The following TENM3 variants were observed in gnomAD, a reference collection of about 807,000 sequenced individuals.
TENM3 encodes the protein teneurin-3.
Under a neutral mutation model 255.1 loss-of-function variants are expected in TENM3, and 63 were observed. That is an observed-to-expected ratio of 0.25 (90% CI 0.20 to 0.30). The LOEUF is 0.30. TENM3 is among the 10% of genes least tolerant of loss of function. TENM3 has a pLI of 1.00. For missense variants in TENM3, 2,929 were observed against 3,461.1 expected (o/e 0.85, Z 3.86); for synonymous variants, 1,306 against 1,322.3 (o/e 0.99, Z 0.27).
chr4:181,808,197 T>C, the TENM3 span, among the ~76,000 whole-genome samples: 2 of 152,230 alleles, frequency 1.3e-5, no homozygotes, highest in Non-Finnish European at 1.5e-5. Flanking sequence ...TGTAAGCGGA[T>C]GTCATGCCAC....
intron 3 of TENM3, among the ~76,000 whole-genome samples, chr4:182,581,611 C>T (rs1177925809): frequency 6.6e-6 from 1 of 152,076 alleles, no homozygotes; most frequent in Non-Finnish European, 1.5e-5. Context: ...ATGGTGAGTG[C>T]CTATAATCCC....
chr4:181,888,379 C>G, the TENM3 span, among the ~76,000 whole-genome samples: 1 of 150,688 alleles, frequency 6.6e-6, no homozygotes. Context: ...CAGATAAACC[C>G]TAGGCTTGTA....
At chr4:182,763,092 A>C (rs1217409491) in intron 22 of TENM3, among the ~76,000 whole-genome samples, 1 of 152,208 alleles carries the variant, frequency 6.6e-6, no homozygotes, top group Non-Finnish European at 1.5e-5. Flanking sequence ...GTATTTTAAG[A>C]GTGTAGGTCC....
chr4:182,443,151 C>A (rs577430465), intron 3 of TENM3, among the ~76,000 whole-genome samples: 8 of 152,228 alleles, frequency 5.3e-5, no homozygotes, highest in African/African-American at 1.9e-4. Flanking sequence ...ACTTCCATTT[C>A]TTTATCTTGG....
intron 1 of TENM3, among the ~76,000 whole-genome samples, chr4:182,301,654 C>T (rs1472052207): frequency 6.6e-6 from 1 of 152,214 alleles, no homozygotes; most frequent in African/African-American, 2.4e-5. Flanking sequence ...TACAATAGAA[C>T]ACACCACTGG....
chr4:181,767,355 A>C, the TENM3 span, among the ~76,000 whole-genome samples: 1 of 152,120 alleles, frequency 6.6e-6, no homozygotes, highest in Non-Finnish European at 1.5e-5. Context: ...TCTCAGAAAT[A>C]AGAAATAATT....
At chr4:182,095,907 G>A in the TENM3 span, among the ~76,000 whole-genome samples, 3 of 151,798 alleles carry the variant, frequency 2.0e-5, no homozygotes, top group African/African-American at 7.3e-5. Flanking sequence ...AATATTGAAG[G>A]AAAGAAAAGG....
chr4:181,475,409 A>T, the TENM3 span, among the ~76,000 whole-genome samples: 1 of 152,190 alleles, frequency 6.6e-6, no homozygotes, highest in Non-Finnish European at 1.5e-5. Flanking sequence ...CGTAAAAATC[A>T]AGAATTCCTA....
the TENM3 span, among the ~76,000 whole-genome samples, chr4:181,612,209 C>T: frequency 1.3e-5 from 2 of 152,146 alleles, no homozygotes; most frequent in Middle Eastern, 3.2e-3. Flanking sequence ...GCCCAACACA[C>T]GAAAGCTCTA....
intron 1 of TENM3, among the ~76,000 whole-genome samples, chr4:182,255,613 G>A (rs12646344): frequency 0.04 from 6,120 of 152,216 alleles, 196 homozygotes; most frequent in East Asian, 0.11. Context: ...TTGTGGCACC[G>A]TGTGGTGACT....
At chr4:181,727,581 C>G in the TENM3 span, among the ~76,000 whole-genome samples, 5 of 152,138 alleles carry the variant, frequency 3.3e-5, no homozygotes, top group Admixed American at 6.6e-5. Flanking sequence ...GAAGAGCATA[C>G]ATTTCTTTAC....
At chr4:181,943,360 G>C in the TENM3 span, among the ~76,000 whole-genome samples, 2 of 152,082 alleles carry the variant, frequency 1.3e-5, no homozygotes, top group Non-Finnish European at 2.9e-5. Flanking sequence ...ATTACAAGCA[G>C]GGGAGAGTAG....
intron 7 of TENM3, among the ~76,000 whole-genome samples, chr4:182,674,513 A>C (rs563052601): frequency 6.9e-4 from 105 of 152,194 alleles, no homozygotes; most frequent in African/African-American, 2.4e-3. Flanking sequence ...ACTTCTTATA[A>C]TGTACTAATG....
the TENM3 span, among the ~76,000 whole-genome samples, chr4:181,877,796 T>A: frequency 6.6e-6 from 1 of 152,090 alleles, no homozygotes; most frequent in South Asian, 2.1e-4. Flanking sequence ...CACATGCTGC[T>A]TTGCTTATAC....
At chr4:181,637,909 A>G in the TENM3 span, among the ~76,000 whole-genome samples, 1 of 152,120 alleles carries the variant, frequency 6.6e-6, no homozygotes, top group Non-Finnish European at 1.5e-5. Context: ...GGGTAGATGG[A>G]TGAGTTGCTG....
At position 182,755,016 on chromosome 4, in the gene TENM3, A is replaced by G; in HGVS notation, c.4649A>G (p.Asp1550Gly). The G allele has an allele frequency of 1.2e-6, 2 of 1,614,038 alleles. No homozygotes were observed. The highest frequency in any genetic ancestry group is 1.7e-6 in the Non-Finnish European group (2 of 1,179,894). The change falls in exon 22 of 28, where the codon GAC becomes GGC. Residue 1550 changes from aspartate to glycine, a missense_variant. By Grantham distance (94) the Asp-to-Gly change is moderately conservative (BLOSUM62 -1). Coordinates refer to ENST00000511685, the MANE Select transcript of TENM3 (RefSeq NM_001080477.4). ...CTTTACAATTTTAGCTACAGCAATG[A>G]CAATGATATTACTGCTGTGACAGAC... Reference protein sequence around the residue: ...DYLYNFSYSNDNDITAVTDSN... With the variant: ...DYLYNFSYSNGNDITAVTDSN...
At chr4:181,767,114 T>C in the TENM3 span, among the ~76,000 whole-genome samples, 3 of 142,080 alleles carry the variant, frequency 2.1e-5, no homozygotes, top group South Asian at 2.3e-4. Flanking sequence ...TAGCAGGGCG[T>C]GGTGGCGGGC....
intron 3 of TENM3, among the ~76,000 whole-genome samples, chr4:182,451,607 AT>A (rs1773468513): frequency 2.6e-5 from 4 of 152,174 alleles, no homozygotes; most frequent in Admixed American, 6.5e-5. Context: ...AAAATGCTGT[AT>A]TTCAGGTATT....
chr4:182,645,759 G>A (rs937021249), intron 5 of TENM3, among the ~76,000 whole-genome samples: 1 of 151,812 alleles, frequency 6.6e-6, no homozygotes, highest in Non-Finnish European at 1.5e-5. Context: ...CCTATGGAAA[G>A]CAGTCCAAAA....
Sources: allele counts gnomAD v4.1 joint callset (sites outside exome capture counted in the v4.1 genomes callset), GRCh38; gene constraint gnomAD v4.1.1; transcripts MANE v1.5; gene names NCBI Gene and HGNC (gene_info 2026-07-23, HGNC 2026-07-21).